The following FHIT variants were observed in gnomAD, a reference collection of about 807,000 sequenced individuals.
FHIT encodes fragile histidine triad diadenosine triphosphatase, also known as bis(5'-adenosyl)-triphosphatase.
In FHIT, 19 loss-of-function variants were observed where a neutral mutation model predicts 17.9. The ratio of observed to expected loss-of-function variants is 1.06; its 90% CI spans 0.74 to 1.56. The LOEUF (loss-of-function observed/expected upper bound fraction) is 1.56. FHIT is among the 40% of genes most tolerant of loss of function. The probability of loss-of-function intolerance (pLI) is 0.00; values close to 1 mark genes in which losing one functional copy is unlikely to be tolerated. For missense variants in FHIT, 248 were observed against 189.2 expected (o/e 1.31, Z -1.82); for synonymous variants, 81 against 69.7 (o/e 1.16, Z -0.81).
rs898249368 is a variant in FHIT, at chr3:59,851,382, A to G, written c.348+70964T>C. ...GTGCCAGACCTATGCTAAGTATTTC[A>G]TATCCATTATTGTACTTGATCCTTA... On this transcript the variant is annotated intron_variant, in intron 8 of 9. Transcript: ENST00000492590. Among the ~76,000 whole-genome samples the G allele has an allele frequency of 3.3e-5, 5 of 152,234 alleles. No individual in the cohort carries two copies. The South Asian group carries it at 1.0e-3, about 31-fold the overall frequency.
At chr3:60,676,215 G>A (rs1482857843) in intron 4 of FHIT, among the ~76,000 whole-genome samples, 1 of 152,138 alleles carries the variant, frequency 6.6e-6, no homozygotes, top group Non-Finnish European at 1.5e-5. Context: ...GGCCAAAGTG[G>A]TATAATTTAT....
rs756077071 is a variant in FHIT at position 60,014,144 on chromosome 3, C to G, written c.112G>C (p.Val38Leu). ...RKPVVPGHVLVCPLRPVERFH... is the reference protein window; with the variant it reads ...RKPVVPGHVLLCPLRPVERFH... ...CGCTCCACTGGCCGCAGCGGGCACA[C>G]AAGGACATCTGTAGCAAGGTCTGTT... Residue 38 changes from valine to leucine, a missense_variant, in exon 6 of 10, where the codon GTG becomes CTG. By Grantham distance (32) the Val-to-Leu change is conservative. Transcript: ENST00000492590. 4.3e-6 allele frequency: 7 copies of G among 1,613,992 alleles called. No homozygotes were observed. The South Asian group carries it at 7.7e-5, about 18-fold the overall frequency.
In FHIT at chr3:60,777,075, G is replaced by C. The variant is rs1367301261; in HGVS notation, c.-18+44844C>G. ...TTGTAAAGGGTTATAAAAGGTTTTC[G>C]CTTCTTCAAAATTTCTGAGTCATCA... On this transcript the variant is annotated intron_variant, in intron 4 of 9. Transcript: ENST00000492590. Among the ~76,000 whole-genome samples the C allele has an allele frequency of 2.0e-5, 3 of 152,118 alleles. No homozygotes were observed. The East Asian group carries it at 5.8e-4, about 29-fold the overall frequency.
intron 3 of FHIT, among the ~76,000 whole-genome samples, chr3:60,909,899 C>T (rs1164595825): frequency 3.9e-5 from 6 of 152,106 alleles, no homozygotes; most frequent in African/African-American, 1.2e-4. Flanking sequence ...TTTGCTCTTA[C>T]CAAGGTTGGC....
At chr3:60,165,922 T>C (rs1701152081) in intron 5 of FHIT, among the ~76,000 whole-genome samples, 1 of 152,060 alleles carries the variant, frequency 6.6e-6, no homozygotes, top group African/African-American at 2.4e-5. Flanking sequence ...GCAACTTCTG[T>C]TTTTTTCACC....
intron 7 of FHIT, among the ~76,000 whole-genome samples, chr3:59,949,153 A>G (rs2107299888): frequency 6.6e-6 from 1 of 152,346 alleles, no homozygotes; most frequent in Middle Eastern, 3.4e-3. Context: ...CAGAGTTTTG[A>G]GAATTCATTA....
chr3:60,436,525 T>C (rs1453811471), intron 5 of FHIT, among the ~76,000 whole-genome samples: 1 of 151,950 alleles, frequency 6.6e-6, no homozygotes, highest in Admixed American at 6.6e-5. Flanking sequence ...CTTTTATATG[T>C]CCTAGACATA....
intron 5 of FHIT, among the ~76,000 whole-genome samples, chr3:60,445,749 G>A (rs2031287889): frequency 6.7e-6 from 1 of 149,584 alleles, no homozygotes; most frequent in Non-Finnish European, 1.5e-5. Context: ...CAAAGACAAA[G>A]ACACAGATGT....
intron 3 of FHIT, among the ~76,000 whole-genome samples, chr3:60,857,042 A>G (rs1434933244): frequency 2.6e-5 from 4 of 151,924 alleles, no homozygotes; most frequent in African/African-American, 9.7e-5. Flanking sequence ...TGATTGATTG[A>G]CTCTCTTCTC....
chr3:60,399,012 T>C (rs568926836), intron 5 of FHIT, among the ~76,000 whole-genome samples: 2 of 152,254 alleles, frequency 1.3e-5, no homozygotes, highest in East Asian at 3.9e-4. Flanking sequence ...ATTAATAGAC[T>C]TTTTTGAAAG....
In FHIT at chr3:60,585,119, A is replaced by G. The variant is rs537271266; in HGVS notation, c.-17-48140T>C. On this transcript the variant is annotated intron_variant, in intron 4 of 9. Transcript: ENST00000492590. Reference sequence around the variant, plus strand: ...AGCTACTAGGTGAGCTGGAATATCTAAAAAGGGATTATATCCCTCCCTATT... The same window carrying G: ...AGCTACTAGGTGAGCTGGAATATCTGAAAAGGGATTATATCCCTCCCTATT... Among the ~76,000 whole-genome samples the G allele has an allele frequency of 1.4e-3, 213 of 152,160 alleles. 1 individual carries two copies. Among genetic ancestry groups the G allele is most frequent in the African/African-American group, 4.9e-3 (204 of 41,562 alleles).
At chr3:60,398,579 C>T (rs977161028) in intron 5 of FHIT, among the ~76,000 whole-genome samples, 1 of 152,134 alleles carries the variant, frequency 6.6e-6, no homozygotes, top group East Asian at 1.9e-4. Context: ...CAGTTATAAG[C>T]CTGTTCTGTT....
chr3:60,806,846 T>A (rs2106694562), intron 4 of FHIT, among the ~76,000 whole-genome samples: 1 of 152,302 alleles, frequency 6.6e-6, no homozygotes, highest in Admixed American at 6.5e-5. Flanking sequence ...TCAGAAGCAA[T>A]GCAATCGCAA....
At chr3:60,124,950 C>T (rs1026073959) in intron 5 of FHIT, among the ~76,000 whole-genome samples, 3 of 152,204 alleles carry the variant, frequency 2.0e-5, no homozygotes, top group Non-Finnish European at 4.4e-5. Context: ...CATATTAGAT[C>T]TGATGGGGCC....
intron 5 of FHIT, among the ~76,000 whole-genome samples, chr3:60,231,534 T>G (rs898259105): frequency 6.6e-6 from 1 of 152,158 alleles, no homozygotes; most frequent in African/African-American, 2.4e-5. Flanking sequence ...GGCACTCTTT[T>G]GTGTCTAGCT....
intron 8 of FHIT, among the ~76,000 whole-genome samples, chr3:59,760,999 A>G (rs1459769083): frequency 1.3e-5 from 2 of 152,252 alleles, no homozygotes; most frequent in Non-Finnish European, 2.9e-5. Flanking sequence ...TTACAACACA[A>G]CATCAGGACA....
chr3:59,946,629 C>A (rs897192971), intron 7 of FHIT, among the ~76,000 whole-genome samples: 1 of 152,128 alleles, frequency 6.6e-6, no homozygotes, highest in Non-Finnish European at 1.5e-5. Flanking sequence ...AGCTTTTGTT[C>A]ATTTGGTATG....
intron 8 of FHIT, among the ~76,000 whole-genome samples, chr3:59,856,063 G>C (rs1047703175): frequency 1.3e-5 from 2 of 152,040 alleles, no homozygotes; most frequent in Admixed American, 6.6e-5. Context: ...TTACAGGTGT[G>C]AGCCACCACG....
At chr3:60,325,203 A>T (rs1279514325) in intron 5 of FHIT, among the ~76,000 whole-genome samples, 1 of 152,320 alleles carries the variant, frequency 6.6e-6, no homozygotes, top group South Asian at 2.1e-4. Context: ...GCCATGCTAC[A>T]TATTTTTATA....
Sources: allele counts gnomAD v4.1 joint callset (sites outside exome capture counted in the v4.1 genomes callset), GRCh38; gene constraint gnomAD v4.1.1; transcripts MANE v1.5; gene names NCBI Gene and HGNC (gene_info 2026-07-23, HGNC 2026-07-21).